Variants in DPP10 observed in about 807,000 individuals in gnomAD.
DPP10 encodes the protein dipeptidyl peptidase like 10, also known as inactive dipeptidyl peptidase 10.
A neutral mutation model predicts 120.9 loss-of-function variants in DPP10; 33 were observed. The observed-to-expected ratio is 0.27, with a 90% CI of 0.21 to 0.37. The LOEUF is 0.37. DPP10 is among the 10% of genes least tolerant of loss of function. DPP10 has a pLI of 1.00. For synonymous variants in DPP10, 337 were observed against 326.1 expected (o/e 1.03, Z -0.36); for missense variants, 816 against 942.8 (o/e 0.87, Z 1.76).
intron 1 of DPP10, among the ~76,000 whole-genome samples, chr2:114,868,939 G>T (rs1690456126): frequency 6.6e-6 from 1 of 152,002 alleles, no homozygotes; most frequent in Non-Finnish European, 1.5e-5. Flanking sequence ...CTGCAAGACT[G>T]GGGAAATAAG....
chr2:115,736,794 C>T (rs1024572727), intron 8 of DPP10, among the ~76,000 whole-genome samples: 6 of 152,138 alleles, frequency 3.9e-5, no homozygotes, highest in Admixed American at 6.5e-5. Context: ...GAGCCAGAGG[C>T]TGACGGACAT....
chr2:115,365,031 GA>G (rs2065000797), intron 3 of DPP10, among the ~76,000 whole-genome samples: 1 of 152,104 alleles, frequency 6.6e-6, no homozygotes, highest in Non-Finnish European at 1.5e-5. Flanking sequence ...GATTACTGAT[GA>G]TCAAACTTCT....
At chr2:114,873,959 G>A (rs564989273) in intron 1 of DPP10, among the ~76,000 whole-genome samples, 2 of 152,142 alleles carry the variant, frequency 1.3e-5, no homozygotes, top group Admixed American at 6.6e-5. Flanking sequence ...CCTGCTCAAC[G>A]AACTCAATCT....
chr2:115,442,904 T>G (rs1351991521), intron 3 of DPP10, among the ~76,000 whole-genome samples: 1 of 152,186 alleles, frequency 6.6e-6, no homozygotes, highest in Non-Finnish European at 1.5e-5. Flanking sequence ...GTGGCTTTAG[T>G]TTGATCTTAG....
At chr2:114,791,043 A>G (rs913552025) in intron 1 of DPP10, among the ~76,000 whole-genome samples, 1 of 152,224 alleles carries the variant, frequency 6.6e-6, no homozygotes, top group South Asian at 2.1e-4. Flanking sequence ...GAAGTGTAAC[A>G]CTAAGAGACA....
chr2:114,599,609 T>G (rs1441239649), intron 1 of DPP10, among the ~76,000 whole-genome samples: 4 of 151,758 alleles, frequency 2.6e-5, no homozygotes, highest in Non-Finnish European at 5.9e-5. Flanking sequence ...ATATTTTTTT[T>G]GTTTGTTTTA....
chr2:115,147,787 T>G (rs1189519114), intron 1 of DPP10, among the ~76,000 whole-genome samples: 1 of 152,140 alleles, frequency 6.6e-6, no homozygotes, highest in Non-Finnish European at 1.5e-5. Flanking sequence ...GATGCATGGC[T>G]TCTTTGAGGA....
chr2:114,665,327 C>T (rs1344216631), intron 1 of DPP10, among the ~76,000 whole-genome samples: 1 of 152,148 alleles, frequency 6.6e-6, no homozygotes, highest in Non-Finnish European at 1.5e-5. Context: ...TTTCTACATC[C>T]CTGCACATCC....
chr2:114,718,029 C>A (rs1210388582), intron 1 of DPP10, among the ~76,000 whole-genome samples: 1 of 151,516 alleles, frequency 6.6e-6, no homozygotes, highest in African/African-American at 2.4e-5. Flanking sequence ...TTATCTCTTT[C>A]TATGTTTCTG....
intron 1 of DPP10, among the ~76,000 whole-genome samples, chr2:114,736,603 G>C (rs989689568): frequency 1.3e-5 from 2 of 152,148 alleles, no homozygotes; most frequent in African/African-American, 4.8e-5. Flanking sequence ...TAAATTTTCT[G>C]AAAATAGGCA....
intron 1 of DPP10, among the ~76,000 whole-genome samples, chr2:115,108,365 G>A (rs114207675): frequency 0.044 from 6,674 of 152,182 alleles, 224 homozygotes; most frequent in Non-Finnish European, 0.065. Flanking sequence ...GAAAGCCTAC[G>A]CCCCACGCAA....
intron 1 of DPP10, among the ~76,000 whole-genome samples, chr2:114,452,428 G>C (rs1483895253): frequency 2.6e-5 from 4 of 152,132 alleles, no homozygotes; most frequent in South Asian, 2.1e-4. Context: ...AAGTGCATTT[G>C]ATGTGCTGTG....
At chr2:115,174,904 G>A (rs535411069) in intron 1 of DPP10, among the ~76,000 whole-genome samples, 48 of 152,326 alleles carry the variant, frequency 3.2e-4, no homozygotes, top group Admixed American at 8.5e-4. Flanking sequence ...TTTGTCCCAA[G>A]AAATTGATGC....
Position 114,554,130 on chromosome 2 carries a change from G to A in DPP10, c.60+111292G>A, listed in dbSNP as rs145192201. Among the ~76,000 whole-genome samples, 196 of 152,274 alleles carry A rather than the reference G, an allele frequency of 1.3e-3. 3 individuals are homozygous for A. Among genetic ancestry groups the A allele is most frequent in the South Asian group, 9.5e-3 (46 of 4,826 alleles). On this transcript the variant is annotated intron_variant, in intron 1 of 25. Transcript: ENST00000410059. The stretch of plus-strand genomic sequence containing the variant: ...AGATTTGAGTAATTAAAAGGGGTCC[G>A]GGTTGATCTATATCTCTATTTCTTT...
chr2:115,390,842 G>C (rs567670389), intron 3 of DPP10, among the ~76,000 whole-genome samples: 7 of 152,112 alleles, frequency 4.6e-5, no homozygotes, highest in Non-Finnish European at 8.8e-5. Flanking sequence ...AATTAAGAGA[G>C]ATCACATCAC....
At chr2:115,613,319 G>A (rs1001155667) in intron 5 of DPP10, among the ~76,000 whole-genome samples, 1 of 152,166 alleles carries the variant, frequency 6.6e-6, no homozygotes, top group African/African-American at 2.4e-5. Context: ...TGAATGCCCA[G>A]GATATACTTG....
chr2:114,442,744 C>A lies in DPP10; in HGVS notation c.-35C>A. On this transcript the variant is annotated 5_prime_UTR_variant, in exon 1 of 26. Coordinates refer to ENST00000410059, the MANE Select transcript of DPP10 (RefSeq NM_020868.6). ...TGATCTCTAGTTCATTCTGGAACTC[C>A]GCCTGGGATTGTGCACTGTCCAGGG... 2.5e-6 allele frequency: 4 copies of A among 1,612,094 alleles called. No homozygotes were observed. Among genetic ancestry groups the A allele is most frequent in the Non-Finnish European group, 3.4e-6 (4 of 1,178,866 alleles).
intron 1 of DPP10, among the ~76,000 whole-genome samples, chr2:115,087,793 A>G (rs1390325292): frequency 6.6e-6 from 1 of 152,018 alleles, no homozygotes. Flanking sequence ...ACCTCAGGTC[A>G]TCTGCCCACC....
At chr2:115,680,716 A>C (rs571648495) in intron 5 of DPP10, among the ~76,000 whole-genome samples, 1 of 152,090 alleles carries the variant, frequency 6.6e-6, no homozygotes, top group East Asian at 1.9e-4. Context: ...TTTAGAGTAA[A>C]CATATAAAGT....
Sources: gnomAD v4.1 joint callset for allele counts (sites outside exome capture counted in the v4.1 genomes callset) on GRCh38, gnomAD v4.1.1 for gene constraint, MANE v1.5 for transcripts, NCBI Gene and HGNC (gene_info 2026-07-23, HGNC 2026-07-21) for gene names.